Variants in DCTN3 observed in about 807,000 individuals in gnomAD.
The protein encoded by DCTN3 is dynactin subunit 3.
A neutral mutation model predicts 28.4 loss-of-function variants in DCTN3; 25 were observed. That is an observed-to-expected ratio of 0.88 (90% CI 0.64 to 1.23). The LOEUF (loss-of-function observed/expected upper bound fraction) is 1.23. DCTN3 is among the 50% of genes most tolerant of loss of function. DCTN3 has a pLI of 0.00. For missense variants in DCTN3, 229 were observed against 232.0 expected (o/e 0.99, Z 0.08); for synonymous variants, 81 against 91.4 (o/e 0.89, Z 0.65).
In DCTN3 at chr9:34,619,773, A is replaced by G. The variant is rs146800117; in HGVS notation, c.96+596T>C. Reference sequence around the variant, plus strand: ...CTGACACGCCATCAGAAGTTCTTCAATAAAAGATCTTCCCATAGTAGAAAG... The same window carrying G: ...CTGACACGCCATCAGAAGTTCTTCAGTAAAAGATCTTCCCATAGTAGAAAG... On this transcript the variant is annotated intron_variant, in intron 1 of 6. Transcript: ENST00000259632. 2.3e-3 allele frequency among the ~76,000 whole-genome samples: 351 copies of G among 152,340 alleles called. 1 individual carries two copies. Among genetic ancestry groups the G allele is most frequent in the African/African-American group, 8.0e-3 (331 of 41,570 alleles).
chr9:34,618,875 G>T, intron 1 of DCTN3, 115 bp from the exon 2 acceptor site: 2 of 798,688 alleles, frequency 2.5e-6, no homozygotes, highest in South Asian at 2.9e-5. Context: ...AATCTAGGTT[G>T]GCCTCCCTTC....
At position 34,613,743 on chromosome 9, in the gene DCTN3, C is replaced by T. The variant is rs777840116; in HGVS notation, c.*39G>A. On this transcript the variant is annotated 3_prime_UTR_variant, in exon 7 of 7. Coordinates refer to ENST00000259632, the MANE Select transcript of DCTN3 (RefSeq NM_007234.5). ...GGCAGGTTGGCATAGGGCCCTGGAG[C>T]CTGACTGCCCAGGCCCACTTTGGGA... is the stretch of plus-strand genomic sequence containing the variant. The T allele has an allele frequency of 5.6e-6, 9 of 1,611,598 alleles. No individual in the cohort carries two copies. The East Asian group carries it at 1.6e-4, about 28-fold the overall frequency.
In DCTN3 at chr9:34,614,079, T is replaced by A. The variant is rs1820365452; in HGVS notation, c.434A>T (p.Glu145Val). ...TTCCTCCAGGAGAGCCTTGGACTCC[T>A]CAGTGATTTCCACACACTGGTCCTG... is the stretch of plus-strand genomic sequence containing the variant. ...QQQDQCVEIT[E>V]ESKALLEEYN... is the part of the protein sequence containing the mutation. Residue 145 changes from glutamate to valine, a missense_variant, in exon 6 of 7, where the codon GAG becomes GTG. Physicochemically the swap from Glu to Val is moderately radical, Grantham distance 121. Coordinates refer to ENST00000259632, the MANE Select transcript of DCTN3 (RefSeq NM_007234.5). 1 of 1,613,720 alleles carries A rather than the reference T, an allele frequency of 6.2e-7. No individual in the cohort carries two copies. Among genetic ancestry groups the A allele is most frequent in the Non-Finnish European group, 8.5e-7 (1 of 1,179,790 alleles).
In DCTN3 at chr9:34,617,361, G is replaced by A. The variant is rs76596417; in HGVS notation, c.268+524C>T. Among the ~76,000 whole-genome samples the A allele has an allele frequency of 5.0e-3, 755 of 152,330 alleles. 5 individuals carry two copies. Among genetic ancestry groups the A allele is most frequent in the African/African-American group, 0.017 (698 of 41,566 alleles). On this transcript the variant is annotated intron_variant, in intron 3 of 6. Transcript: ENST00000259632. ...GGAAAGAACCTGGATCAGAGTAGATGATCATTATACATCTTTTGGATGAAT... is the reference window on the plus strand; with the variant it reads ...GGAAAGAACCTGGATCAGAGTAGATAATCATTATACATCTTTTGGATGAAT...
At position 34,620,425 on chromosome 9, in the gene DCTN3, C is replaced by T; in HGVS notation, c.40G>A (p.Val14Met). 6.4e-7 allele frequency: 1 copy of T among 1,562,486 alleles called. No individual in the cohort carries two copies. The highest frequency in any genetic ancestry group is 1.2e-5 in the South Asian group (1 of 85,558). Reference protein sequence around the residue: ...LTDLQRLQARVEELERWVYGP... With the variant: ...LTDLQRLQARMEELERWVYGP... ...TACACCCAGCGCTCCAGCTCTTCCACTCGGGCCTGTAGCCGCTGCAAGTCA... is the reference window on the plus strand; with the variant it reads ...TACACCCAGCGCTCCAGCTCTTCCATTCGGGCCTGTAGCCGCTGCAAGTCA... Residue 14 changes from valine (V) to methionine (M), a missense_variant, in exon 1 of 7, where the codon GTG becomes ATG. Val to Met is a conservative substitution (Grantham distance 21). Coordinates refer to ENST00000259632, the MANE Select transcript of DCTN3 (RefSeq NM_007234.5).
intron 5 of DCTN3, 44 bp from the exon 6 acceptor site, chr9:34,614,145 CA>C (rs753356230): frequency 1.2e-6 from 2 of 1,613,848 alleles, no homozygotes; most frequent in Non-Finnish European, 1.7e-6. Context: ...GGGCAAAGCC[CA>C]CATCTTCCAC....
intron 5 of DCTN3, chr9:34,614,474 C>T (rs1361075045): frequency 3.2e-6 from 2 of 621,882 alleles, no homozygotes; most frequent in Admixed American, 6.0e-5. Flanking sequence ...TGGGTACCTC[C>T]CAGCCTCAAC....
At chr9:34,617,648 C>T in intron 3 of DCTN3, 1 of 1,446,770 alleles carries the variant, frequency 6.9e-7, no homozygotes, top group Admixed American at 2.1e-5. Flanking sequence ...TGATAGAACA[C>T]TGGACTAGCT....
At chr9:34,617,607 G>A (rs1208619016) in intron 3 of DCTN3, 2 of 1,352,314 alleles carry the variant, frequency 1.5e-6, no homozygotes, top group Non-Finnish European at 2.0e-6. Flanking sequence ...AGTGAGGAAG[G>A]TTCTGAAGGA....
intron 1 of DCTN3, 57 bp downstream of exon 1, chr9:34,620,312 G>A: frequency 6.6e-7 from 1 of 1,511,672 alleles, no homozygotes; most frequent in Admixed American, 1.7e-5. Context: ...CGAGGGCCAG[G>A]ACAGTGGACC....
chr9:34,617,715 G>A (rs1820454153), intron 3 of DCTN3, 170 bp downstream of exon 3: 1 of 1,507,060 alleles, frequency 6.6e-7, no homozygotes, highest in Non-Finnish European at 8.9e-7. Context: ...TGTACTCAAT[G>A]TCTACTAGAG....
chr9:34,618,360 T>C (rs1820471097), intron 2 of DCTN3, among the ~76,000 whole-genome samples: 1 of 152,098 alleles, frequency 6.6e-6, no homozygotes, highest in Non-Finnish European at 1.5e-5. Flanking sequence ...AGGATCTCAG[T>C]GTCTAATTTG....
At chr9:34,618,436 C>G (rs1197499207) in intron 2 of DCTN3, among the ~76,000 whole-genome samples, 1 of 152,230 alleles carries the variant, frequency 6.6e-6, no homozygotes, top group Non-Finnish European at 1.5e-5. Flanking sequence ...CCAAGAGAAG[C>G]TTTCAGGTAG....
intron 4 of DCTN3, chr9:34,615,253 G>T (rs113366398): frequency 1.0e-4 from 16 of 156,544 alleles, no homozygotes; most frequent in African/African-American, 3.8e-4. Flanking sequence ...GCTGATCAGG[G>T]GTAGGGAGGG....
rs114192026 is a variant in DCTN3, at chr9:34,620,485, G to T, written c.-21C>A. ...GCCATCGCTACTACCGACCCACCTC[G>T]GCCAGGAAACAGCCAGAGGGCGGGA... On this transcript the variant is annotated 5_prime_UTR_variant, in exon 1 of 7. Coordinates refer to ENST00000259632, the MANE Select transcript of DCTN3 (RefSeq NM_007234.5). 2.1e-3 allele frequency: 3,185 copies of T among 1,546,424 alleles called. 42 individuals carry two copies. The African/African-American group carries it at 0.034, about 17-fold the overall frequency.
In DCTN3 at chr9:34,618,690, A is replaced by C; in HGVS notation, c.167T>G (p.Ile56Ser). ...NISSKRERVKILYKKIEDLIK... is the reference protein window; with the variant it reads ...NISSKRERVKSLYKKIEDLIK... ...GAAGCACTTACTCTTTTTGTAGAGA[A>C]TCTTCACCCTCTCCCTCTTGCTGGA... is the stretch of plus-strand genomic sequence containing the variant. Residue 56 changes from isoleucine (I) to serine (S), a missense_variant, in exon 2 of 7, where the codon ATT (isoleucine) becomes AGT (serine). Coordinates refer to ENST00000259632, the MANE Select transcript of DCTN3 (RefSeq NM_007234.5). 1 of 1,614,088 alleles carries C rather than the reference A, an allele frequency of 6.2e-7. No homozygotes were observed. The highest frequency in any genetic ancestry group is 1.1e-5 in the South Asian group (1 of 91,082).
At chr9:34,614,972 G>A (rs1300871636) in intron 4 of DCTN3, 1 of 605,058 alleles carries the variant, frequency 1.7e-6, no homozygotes, top group African/African-American at 1.9e-5. Context: ...GGGAGGGGAA[G>A]ATACATGTCC....
At chr9:34,618,613 C>A (rs1564088447) in intron 2 of DCTN3, 63 bp downstream of exon 2, 1 of 1,308,206 alleles carries the variant, frequency 7.6e-7, no homozygotes, top group South Asian at 1.2e-5. Context: ...AGGGCTAGGG[C>A]CAGGTACCAG....
Position 34,618,810 on chromosome 9 carries a change from C to T in DCTN3, c.97-50G>A, listed in dbSNP as rs368817768. ...CCAAGATATACTACCTGGCTCAAGG[C>T]TTGGAAAAGTTAAAGAACCCTCATT... On this transcript the variant is annotated intron_variant, in intron 1 of 6. Coordinates refer to ENST00000259632, the MANE Select transcript of DCTN3 (RefSeq NM_007234.5). 2.8e-5 allele frequency: 41 copies of T among 1,467,940 alleles called. No homozygotes were observed. The African/African-American group carries it at 5.6e-4, about 20-fold the overall frequency. 90.9% of individuals were successfully genotyped at this position (1,467,940 alleles called of 1,614,324 possible). A position where few individuals can be genotyped will look rare whatever the true frequency, so the allele number is the denominator to read the frequency against.
Sources: gnomAD v4.1 joint callset for allele counts (sites outside exome capture counted in the v4.1 genomes callset) on GRCh38, gnomAD v4.1.1 for gene constraint, MANE v1.5 for transcripts, NCBI Gene and HGNC (gene_info 2026-07-23, HGNC 2026-07-21) for gene names.